Variants in HHAT observed in about 807,000 individuals in gnomAD.
HHAT encodes protein-cysteine N-palmitoyltransferase HHAT.
HHAT carries 47 observed loss-of-function variants against 70.8 expected under a neutral mutation model. The observed-to-expected ratio is 0.66, with a 90% CI of 0.53 to 0.85. The LOEUF (loss-of-function observed/expected upper bound fraction) is 0.85. HHAT is among the 40% of genes least tolerant of loss of function. The probability of loss-of-function intolerance (pLI) is 0.00; values close to 1 mark genes in which losing one functional copy is unlikely to be tolerated. For missense variants in HHAT, 609 were observed against 604.8 expected (o/e 1.01, Z -0.07); for synonymous variants, 228 against 247.6 (o/e 0.92, Z 0.74).
rs534553651 is a variant in HHAT, at chr1:210,513,927, T to C, written c.1043+739T>C. Among the ~76,000 whole-genome samples the C allele has an allele frequency of 1.1e-3, 166 of 152,286 alleles. 1 individual carries two copies. Among genetic ancestry groups the C allele is most frequent in the South Asian group, 8.9e-3 (43 of 4,820 alleles). On this transcript the variant is annotated intron_variant, in intron 9 of 11. Transcript: ENST00000261458. ...CTAAAGATGACAAGGAAACCAGAAA[T>C]TATGTAGAGCGATTTGCTTTCTGCA...
chr1:210,553,091 C>T (rs567769613), intron 9 of HHAT, among the ~76,000 whole-genome samples: 8 of 152,304 alleles, frequency 5.3e-5, no homozygotes, highest in Non-Finnish European at 8.8e-5. Context: ...TCAGCATCTT[C>T]TTGATGTCAT....
intron 11 of HHAT, among the ~76,000 whole-genome samples, chr1:210,658,978 GAAAGCAGGAAAGATCTAA>G (rs1319775594): frequency 6.6e-6 from 1 of 152,166 alleles, no homozygotes; most frequent in Non-Finnish European, 1.5e-5. Context: ...GCCCACAAGA[GAAAGCAGGAAAGATCTAA>G]AATCGACATC....
At chr1:210,397,095 G>GT (rs11433822) in intron 4 of HHAT, among the ~76,000 whole-genome samples, 94,907 of 152,054 alleles carry the variant, frequency 0.62, 30,104 homozygotes, top group African/African-American at 0.72. Flanking sequence ...CAATATCCTG[G>GT]TTATGATATT....
chr1:210,346,577 T>C (rs1182976519), intron 1 of HHAT, among the ~76,000 whole-genome samples: 1 of 152,260 alleles, frequency 6.6e-6, no homozygotes, highest in Non-Finnish European at 1.5e-5. Flanking sequence ...CATGAATGAT[T>C]GCTTCTGGAT....
chr1:210,481,412 CT>C (rs34096698), intron 8 of HHAT, among the ~76,000 whole-genome samples: 76,856 of 152,058 alleles, frequency 0.51, 20,838 homozygotes, highest in East Asian at 0.76. Context: ...TTTTCTAACA[CT>C]TGTGTTTTCT....
chr1:210,542,704 G>T (rs1403029626), intron 9 of HHAT, among the ~76,000 whole-genome samples: 2 of 151,950 alleles, frequency 1.3e-5, no homozygotes, highest in Non-Finnish European at 2.9e-5. Flanking sequence ...GGAGGCTGAG[G>T]TGGGAGGATA....
At chr1:210,500,053 G>C (rs531551234) in intron 8 of HHAT, among the ~76,000 whole-genome samples, 1 of 152,226 alleles carries the variant, frequency 6.6e-6, no homozygotes, top group Non-Finnish European at 1.5e-5. Context: ...TAAAAGGAGG[G>C]AAAGCCTGTG....
chr1:210,464,766 C>T (rs2094063466), intron 8 of HHAT, 111 bp downstream of exon 8: 1 of 1,061,596 alleles, frequency 9.4e-7, no homozygotes. Context: ...CTCACTCAAG[C>T]TGCATTTGGC....
intron 8 of HHAT, among the ~76,000 whole-genome samples, chr1:210,466,035 GGAAT>G (rs2094097817): frequency 2.9e-5 from 4 of 136,328 alleles, no homozygotes. Flanking sequence ...GGAATTGCAA[GGAAT>G]GAATTGCAAG....
chr1:210,473,117 C>T (rs901129221), intron 8 of HHAT, among the ~76,000 whole-genome samples: 9 of 152,320 alleles, frequency 5.9e-5, no homozygotes, highest in African/African-American at 1.9e-4. Context: ...TAAATTTCCC[C>T]TGCAAGAGAC....
At chr1:210,336,169 G>A (rs899447829) in intron 1 of HHAT, among the ~76,000 whole-genome samples, 2 of 152,120 alleles carry the variant, frequency 1.3e-5, no homozygotes, top group African/African-American at 2.4e-5. Context: ...ACCCAGGCGG[G>A]AGTGCAGTGG....
Position 210,418,171 on chromosome 1 carries a change from T to C in HHAT, c.702T>C (p.His234=). The stretch of plus-strand genomic sequence containing the variant: ...CACTTTAGATGCAGCAGCAGGAGCA[T>C]GACTCCCTGAAGGCCAGCCTGTGTG... ...EFIKQMQQQE[H]DSLKASLCVL... Residue 234 remains histidine, a synonymous_variant, in exon 7 of 12, where the codon CAT becomes CAC. Coordinates refer to ENST00000261458, the MANE Select transcript of HHAT (RefSeq NM_018194.6). 1.2e-6 allele frequency: 2 copies of C among 1,614,174 alleles called. No individual in the cohort carries two copies. Among genetic ancestry groups the C allele is most frequent in the Non-Finnish European group, 1.7e-6 (2 of 1,180,014 alleles).
At chr1:210,516,079 A>G (rs201066270) in intron 9 of HHAT, among the ~76,000 whole-genome samples, 2 of 63,452 alleles carry the variant, frequency 3.2e-5, no homozygotes, top group Non-Finnish European at 8.4e-5. Flanking sequence ...CAAAAGAAAA[A>G]GAAAAAAAAA....
intron 8 of HHAT, among the ~76,000 whole-genome samples, chr1:210,473,765 G>T (rs764679701): frequency 1.3e-5 from 2 of 152,206 alleles, no homozygotes; most frequent in South Asian, 2.1e-4. Context: ...CTTTATCTCA[G>T]TTCATGCTGG....
At chr1:210,483,057 C>A (rs1053308879) in intron 8 of HHAT, among the ~76,000 whole-genome samples, 1 of 152,056 alleles carries the variant, frequency 6.6e-6, no homozygotes, top group Non-Finnish European at 1.5e-5. Flanking sequence ...ATTTTTTATC[C>A]ACACTGTCTG....
intron 9 of HHAT, among the ~76,000 whole-genome samples, chr1:210,522,039 G>A (rs1246037059): frequency 2.0e-5 from 3 of 152,198 alleles, no homozygotes; most frequent in African/African-American, 7.2e-5. Context: ...TACTTGCTTT[G>A]TTATGTAGGA....
chr1:210,567,602 T>C (rs918870722), intron 9 of HHAT, among the ~76,000 whole-genome samples: 1 of 152,228 alleles, frequency 6.6e-6, no homozygotes, highest in Admixed American at 6.5e-5. Context: ...AGTATAGTGA[T>C]CATTTGTTTT....
At chr1:210,330,849 C>T (rs1229162324) in intron 1 of HHAT, among the ~76,000 whole-genome samples, 3 of 152,176 alleles carry the variant, frequency 2.0e-5, no homozygotes, top group East Asian at 1.9e-4. Flanking sequence ...ACAAGAGTCT[C>T]GCTGGGTCAC....
rs959695391 is a variant in HHAT at position 210,387,874 on chromosome 1, G to T, written c.273+293G>T. 3.9e-5 allele frequency among the ~76,000 whole-genome samples: 6 copies of T among 152,192 alleles called. No homozygotes were observed. In the East Asian group the frequency reaches 1.2e-3, roughly 29 times the overall value. ...CTTCTAATCAAATGATCAAAAAGTTGCCTGTGGTTGAGAATCTGGATGAGT... is the reference window on the plus strand; with the variant it reads ...CTTCTAATCAAATGATCAAAAAGTTTCCTGTGGTTGAGAATCTGGATGAGT... On this transcript the variant is annotated intron_variant, in intron 4 of 11. Transcript: ENST00000261458.
Sources: gnomAD v4.1 joint callset for allele counts (sites outside exome capture counted in the v4.1 genomes callset) on GRCh38, gnomAD v4.1.1 for gene constraint, MANE v1.5 for transcripts, NCBI Gene and HGNC (gene_info 2026-07-23, HGNC 2026-07-21) for gene names.